The following DPF3 variants were observed in gnomAD, a reference collection of about 807,000 sequenced individuals.
DPF3 encodes the protein double PHD fingers 3, also known as zinc finger protein DPF3.
A neutral mutation model predicts 56.8 loss-of-function variants in DPF3; 18 were observed. The ratio of observed to expected loss-of-function variants is 0.32; its 90% confidence interval spans 0.22 to 0.47. DPF3 has a LOEUF of 0.47. Among genes scored for constraint, DPF3 ranks in the 20% least tolerant of loss-of-function variants. DPF3 has a pLI of 1.00. For missense variants in DPF3, 403 were observed against 488.8 expected (o/e 0.82, Z 1.65); for synonymous variants, 188 against 180.2 (o/e 1.04, Z -0.35).
chr14:72,885,333 C>T (rs1886501201), intron 1 of DPF3, among the ~76,000 whole-genome samples: 1 of 151,590 alleles, frequency 6.6e-6, no homozygotes, highest in South Asian at 2.1e-4. Context: ...GTGGAGAATG[C>T]CTATATTATC....
chr14:72,771,805 A>C lies in DPF3; in HGVS notation c.121T>G (p.Phe41Val). 6.2e-7 allele frequency: 1 copy of C among 1,613,938 alleles called. No homozygotes were observed. The highest frequency in any genetic ancestry group is 8.5e-7 in the Non-Finnish European group (1 of 1,179,882). The change falls in exon 2 of 11, where the codon TTC becomes GTC. Residue 41 changes from phenylalanine (F) to valine (V), a missense_variant. Physicochemically the swap from Phe to Val is conservative, Grantham distance 50. Transcript: ENST00000556509. ...LCAERSVRLP[F>V]LDSQTGVAQN... ...GCCACCCCAGTCTGTGAGTCCAGGA[A>C]GGGAAGACGCACGCTGCGCTCTGCA...
chr14:72,880,934 T>C (rs1886299074), intron 1 of DPF3, among the ~76,000 whole-genome samples: 1 of 152,220 alleles, frequency 6.6e-6, no homozygotes, highest in South Asian at 2.1e-4. Context: ...CAGCCTCCAG[T>C]GGAGAAGGCA....
chr14:72,892,643 C>T, intron 1 of DPF3: 1 of 1,105,500 alleles, frequency 9.0e-7, no homozygotes, highest in South Asian at 3.9e-5. Context: ...GGGGTGAAGA[C>T]GAGAATGCGC....
intron 1 of DPF3, among the ~76,000 whole-genome samples, chr14:72,893,209 A>G (rs973542578): frequency 5.9e-5 from 9 of 152,056 alleles, no homozygotes; most frequent in African/African-American, 2.2e-4. Flanking sequence ...CCCTCGGGCC[A>G]GGAGCCCCAA....
intron 6 of DPF3, among the ~76,000 whole-genome samples, chr14:72,706,817 T>C (rs1319999441): frequency 6.6e-6 from 1 of 151,664 alleles, no homozygotes; most frequent in Non-Finnish European, 1.5e-5. Context: ...GTGCTTTTTT[T>C]TTTCTTTTTT....
Position 72,893,021 on chromosome 14 carries a change from A to AAGGCAGGCAGGCAGGC in DPF3, c.32+1035_32+1036insGCCTGCCTGCCTGCCT, listed in dbSNP as rs1567273903. Among the ~76,000 whole-genome samples the AAGGCAGGCAGGCAGGC allele has an allele frequency of 9.7e-4, 132 of 135,560 alleles. 5 individuals carry two copies. Among genetic ancestry groups the AAGGCAGGCAGGCAGGC allele is most frequent in the African/African-American group, 2.1e-3 (80 of 37,472 alleles). 88.9% of individuals were successfully genotyped at this position (135,560 alleles called of 152,430 possible). On this transcript the variant is annotated intron_variant, in intron 1 of 10. Coordinates refer to ENST00000556509, the MANE Select transcript of DPF3 (RefSeq NM_001280542.3). Reference sequence around the variant, plus strand: ...GAAGGAAGGAAGGAAGGAAGGAAGGAAGGATGAAAAGGAGGAGGAAGGCAG... The same window carrying AAGGCAGGCAGGCAGGC: ...GAAGGAAGGAAGGAAGGAAGGAAGGAAGGCAGGCAGGCAGGCAGGATGAAAAGGAGGAGGAAGGCAG...
chr14:72,822,813 T>C (rs1172614055), intron 1 of DPF3, among the ~76,000 whole-genome samples: 1 of 152,194 alleles, frequency 6.6e-6, no homozygotes, highest in Non-Finnish European at 1.5e-5. Context: ...GAGAGTGTTA[T>C]ACGTTGCATT....
chr14:72,789,136 A>G (rs928282897), intron 1 of DPF3, among the ~76,000 whole-genome samples: 1 of 152,184 alleles, frequency 6.6e-6, no homozygotes, highest in Non-Finnish European at 1.5e-5. Context: ...GAGCTCCTGG[A>G]GAACATGGGT....
intron 1 of DPF3, among the ~76,000 whole-genome samples, chr14:72,813,046 G>A (rs1411550038): frequency 2.0e-5 from 3 of 152,104 alleles, no homozygotes; most frequent in African/African-American, 7.2e-5. Flanking sequence ...TGCTTTTCGG[G>A]GGCTCCTTCG....
At chr14:72,732,038 C>T (rs1213768697) in intron 3 of DPF3, 104 bp from the exon 4 acceptor site, 24 of 1,428,988 alleles carry the variant, frequency 1.7e-5, no homozygotes, top group Non-Finnish European at 2.1e-5. Flanking sequence ...GAGGAGGACT[C>T]GGGGCCTGTG....
intron 7 of DPF3, among the ~76,000 whole-genome samples, chr14:72,676,448 G>A (rs935516737): frequency 5.3e-5 from 8 of 152,302 alleles, no homozygotes; most frequent in African/African-American, 1.9e-4. Flanking sequence ...CCCTCATGAC[G>A]TATGAGGATG....
intron 10 of DPF3, among the ~76,000 whole-genome samples, 186 bp downstream of exon 10, chr14:72,619,717 C>T (rs1291237917): frequency 1.3e-5 from 2 of 152,188 alleles, no homozygotes; most frequent in East Asian, 1.9e-4. Context: ...TTGGACTGTG[C>T]CTCAGTTTCC....
In DPF3 at chr14:72,660,232, GA is replaced by G. The variant is rs544252738; in HGVS notation, c.871+14007del. 2.6e-4 allele frequency among the ~76,000 whole-genome samples: 38 copies of G among 147,630 alleles called. No homozygotes were observed. In the East Asian group the frequency reaches 3.0e-3, roughly 11 times the overall value. ...ATGCATATTTCATCACAATAAAAAG[GA>G]AAAAAAAAACCCTAAGGAGGGCACC... On this transcript the variant is annotated intron_variant, in intron 8 of 10. Coordinates refer to ENST00000556509, the MANE Select transcript of DPF3 (RefSeq NM_001280542.3).
chr14:72,621,082 A>T (rs1187067500), intron 9 of DPF3, among the ~76,000 whole-genome samples: 1 of 151,548 alleles, frequency 6.6e-6, no homozygotes, highest in Non-Finnish European at 1.5e-5. Context: ...TGGAGGTTGC[A>T]GTGAGCCAAG....
intron 6 of DPF3, among the ~76,000 whole-genome samples, chr14:72,701,782 A>G (rs892299210): frequency 6.6e-6 from 1 of 152,176 alleles, no homozygotes; most frequent in South Asian, 2.1e-4. Flanking sequence ...TGAGCATCCC[A>G]GAGACAAAGC....
chr14:72,645,793 C>T (rs1165205514), intron 8 of DPF3, among the ~76,000 whole-genome samples: 2 of 151,858 alleles, frequency 1.3e-5, no homozygotes, highest in Non-Finnish European at 2.9e-5. Flanking sequence ...CGCTCCTACA[C>T]CCCCCACCCC....
chr14:72,643,903 G>A (rs542504042), intron 8 of DPF3, among the ~76,000 whole-genome samples: 9 of 152,042 alleles, frequency 5.9e-5, no homozygotes, highest in South Asian at 2.1e-4. Context: ...TACTACAATC[G>A]AGACACCCAC....
At chr14:72,825,278 C>G (rs1599475092) in intron 1 of DPF3, among the ~76,000 whole-genome samples, 2 of 152,342 alleles carry the variant, frequency 1.3e-5, no homozygotes, top group African/African-American at 4.8e-5. Flanking sequence ...CTGACCCCAT[C>G]CCCCAGCACC....
chr14:72,778,990 G>A (rs573884168), intron 1 of DPF3, among the ~76,000 whole-genome samples: 107 of 152,274 alleles, frequency 7.0e-4, no homozygotes, highest in Non-Finnish European at 1.1e-3. Context: ...TCACATCAGC[G>A]TCAATATGAA....
Sources: gnomAD v4.1 joint callset for allele counts (sites outside exome capture counted in the v4.1 genomes callset) on GRCh38, gnomAD v4.1.1 for gene constraint, MANE v1.5 for transcripts, NCBI Gene and HGNC (gene_info 2026-07-23, HGNC 2026-07-21) for gene names.